The following CHD6 variants were observed in gnomAD, a reference collection of about 807,000 sequenced individuals.
CHD6 encodes chromodomain helicase DNA binding protein 6, also known as ATP-dependent chromatin remodeler CHD6.
Under a neutral mutation model 276.9 loss-of-function variants are expected in CHD6, and 50 were observed. That is an observed-to-expected ratio of 0.18 (90% CI 0.14 to 0.23). CHD6 has a LOEUF of 0.23. Ranked by LOEUF, CHD6 falls within the 10% of genes least tolerant of loss-of-function variation. The pLI, the probability that CHD6 is intolerant of heterozygous loss-of-function variation, is 1.00. For missense variants in CHD6, 2,564 were observed against 3,365.8 expected, an observed-to-expected ratio of 0.76 and a Z score of 5.89; for synonymous variants, 1,173 against 1,229.3, an observed-to-expected ratio of 0.95 and a Z score of 0.96.
intron 23 of CHD6, among the ~76,000 whole-genome samples, chr20:41,450,386 A>G (rs2048199627): frequency 6.6e-6 from 1 of 152,098 alleles, no homozygotes; most frequent in Middle Eastern, 3.2e-3. Flanking sequence ...CAAACTTGCC[A>G]TTGTTTTGTC....
In CHD6 at chr20:41,553,686, G is replaced by C. The variant is rs1432413962; in HGVS notation, c.-23-2326C>G. Among the ~76,000 whole-genome samples, 5 of 152,214 alleles carry C rather than the reference G, an allele frequency of 3.3e-5. No individual in the cohort carries two copies. In the South Asian group the frequency reaches 1.0e-3, roughly 31 times the overall value. Reference sequence around the variant, plus strand: ...TTTGTTCAGGTGTGCTCTCACCATTGTTTCATCTGCGATTGCGTACCCTTT... The same window carrying C: ...TTTGTTCAGGTGTGCTCTCACCATTCTTTCATCTGCGATTGCGTACCCTTT... On this transcript the variant is annotated intron_variant, in intron 1 of 36. Transcript: ENST00000373233.
intron 1 of CHD6, 118 bp downstream of exon 1, chr20:41,618,222 C>A: frequency 6.6e-6 from 1 of 152,004 alleles, no homozygotes; most frequent in South Asian, 2.0e-4. Flanking sequence ...AGCCCCTCAT[C>A]CCGGCTCCAT....
At chr20:41,415,699 C>G (rs2046975496) in intron 33 of CHD6, 61 bp from the exon 34 acceptor site, 1 of 1,288,878 alleles carries the variant, frequency 7.8e-7, no homozygotes, top group African/African-American at 1.5e-5. Context: ...AATGCTAGCT[C>G]TTTCTCCAGG....
intron 2 of CHD6, among the ~76,000 whole-genome samples, chr20:41,536,803 A>C (rs1432204615): frequency 6.6e-6 from 1 of 152,234 alleles, no homozygotes; most frequent in Non-Finnish European, 1.5e-5. Flanking sequence ...GATACCTGAC[A>C]ATCATTGCCT....
chr20:41,405,072 T>G lies in CHD6; in HGVS notation c.7669A>C (p.Thr2557Pro). 6.2e-7 allele frequency: 1 copy of G among 1,614,244 alleles called. No individual in the cohort carries two copies. Among genetic ancestry groups the G allele is most frequent in the Non-Finnish European group, 8.5e-7 (1 of 1,180,044 alleles). ...GTCACTGCCGTACCACTTTTCGTTGTGCTTGATAGAGACGCCGGAGCAGTG... is the reference window on the plus strand; with the variant it reads ...GTCACTGCCGTACCACTTTTCGTTGGGCTTGATAGAGACGCCGGAGCAGTG... Reference protein sequence around the residue: ...TSTAPASLSSTTKSGTAVTEK... With the variant: ...TSTAPASLSSPTKSGTAVTEK... The change falls in exon 37 of 37, where the codon ACA (threonine) becomes CCA (proline). Residue 2557 changes from threonine to proline, a missense_variant. This residue lies in a region of CHD6 where 238 missense variants were observed against 266.0 expected (regional missense o/e 0.89). Coordinates refer to ENST00000373233, the MANE Select transcript of CHD6 (RefSeq NM_032221.5).
At chr20:41,594,290 C>A (rs189416356) in intron 1 of CHD6, among the ~76,000 whole-genome samples, 1 of 152,172 alleles carries the variant, frequency 6.6e-6, no homozygotes, top group Non-Finnish European at 1.5e-5. Context: ...ATGGCTCCAG[C>A]CTAAGATGGA....
At chr20:41,416,849 A>G in intron 32 of CHD6, 55 bp from the exon 33 acceptor site, 4 of 1,399,572 alleles carry the variant, frequency 2.9e-6, no homozygotes, top group Non-Finnish European at 3.8e-6. Context: ...TAAATTCACA[A>G]AATCCTTTGA....
Position 41,421,744 on chromosome 20 carries a change from A to G in CHD6, c.4891T>C (p.Cys1631Arg). 6.2e-7 allele frequency: 1 copy of G among 1,614,220 alleles called. No individual in the cohort carries two copies. The highest frequency in any genetic ancestry group is 8.5e-7 in the Non-Finnish European group (1 of 1,180,050). The stretch of plus-strand genomic sequence containing the variant: ...AACTTGGAGTTGGTCTGGTAAAGGC[A>G]ACAGAGATTTCCTGGTGCCTGGGTG... ...SGTQAPGNLCCLYQTNSKLYE... is the reference protein window; with the variant it reads ...SGTQAPGNLCRLYQTNSKLYE... The change falls in exon 31 of 37, where the codon TGC (cysteine) becomes CGC (arginine). Residue 1631 changes from cysteine (C) to arginine (R), a missense_variant. Cys to Arg is a radical substitution (Grantham distance 180). This residue lies in a region of CHD6 where 1,024 missense variants were observed against 1,047.9 expected (regional missense o/e 0.98). Coordinates refer to ENST00000373233, the MANE Select transcript of CHD6 (RefSeq NM_032221.5).
Position 41,445,768 on chromosome 20 carries a change from C to T in CHD6, c.3774G>A (p.Arg1258=), listed in dbSNP as rs1218824186. The change falls in exon 25 of 37, where the codon AGG becomes AGA. Residue 1258 remains arginine, a splice_region_variant and synonymous_variant. Transcript: ENST00000373233. ...TGTCAGGCAGAGGTACATCCAGCTC[C>T]CTAGGGAAGGAAGGGTGTAGACTCA... The part of the protein sequence containing the change: ...AEKAFEGSPA[R]ELDVPLPDID... The T allele has an allele frequency of 6.2e-7, 1 of 1,603,508 alleles. No individual in the cohort carries two copies. The highest frequency in any genetic ancestry group is 1.7e-5 in the Admixed American group (1 of 59,992).
intron 2 of CHD6, among the ~76,000 whole-genome samples, chr20:41,547,022 T>C (rs138452131): frequency 1.7e-3 from 260 of 152,312 alleles, no homozygotes; most frequent in African/African-American, 6.0e-3. Context: ...TGGTAAGATT[T>C]TGAACAAAGA....
At chr20:41,552,906 G>C (rs984960519) in intron 1 of CHD6, among the ~76,000 whole-genome samples, 3 of 152,190 alleles carry the variant, frequency 2.0e-5, no homozygotes, top group African/African-American at 7.2e-5. Flanking sequence ...GGCAAGTCCA[G>C]TTAGTAAATG....
In CHD6 at chr20:41,420,548, A is replaced by G. The variant is rs750738781; in HGVS notation, c.6087T>C (p.Asn2029=). ...ELKSEDMDFE[N]KDDYDRDGNC... The stretch of plus-strand genomic sequence containing the variant: ...TTCCGTCTCTATCATAATCATCTTT[A>G]TTCTCAAAATCCATGTCTTCTGATT... Residue 2029 remains asparagine, a synonymous_variant, in exon 31 of 37, where the codon AAT becomes AAC. Coordinates refer to ENST00000373233, the MANE Select transcript of CHD6 (RefSeq NM_032221.5). 2 of 1,613,656 alleles carry G rather than the reference A, an allele frequency of 1.2e-6. No homozygotes were observed. Among genetic ancestry groups the G allele is most frequent in the South Asian group, 1.1e-5 (1 of 91,050 alleles).
intron 13 of CHD6, among the ~76,000 whole-genome samples, chr20:41,488,179 T>C (rs1182324963): frequency 1.3e-5 from 2 of 152,216 alleles, no homozygotes; most frequent in Non-Finnish European, 1.5e-5. Context: ...TTCCAAGTCA[T>C]ATATTTCATG....
At chr20:41,413,232 TTCCTGGTTGCCC>T in intron 35 of CHD6, 80 bp downstream of exon 35, 2 of 1,023,440 alleles carry the variant, frequency 2.0e-6, no homozygotes, top group Non-Finnish European at 2.8e-6. Context: ...AGCTCCCAAC[TTCCTGGTTGCCC>T]TCAGCATGCT....
At position 41,618,332 on chromosome 20, in the gene CHD6, G is replaced by A. The variant is rs1369131732; in HGVS notation, c.-24+8C>T. ...GGAGGAAAATAAAAAGTTAAGAGAAGAACTTACCTAAAATGGCTCCTGCAG... is the reference window on the plus strand; with the variant it reads ...GGAGGAAAATAAAAAGTTAAGAGAAAAACTTACCTAAAATGGCTCCTGCAG... On this transcript the variant is annotated splice_region_variant and intron_variant, in intron 1 of 36. Coordinates refer to ENST00000373233, the MANE Select transcript of CHD6 (RefSeq NM_032221.5). 1 of 152,070 alleles carries A rather than the reference G, an allele frequency of 6.6e-6. No homozygotes were observed. The highest frequency in any genetic ancestry group is 1.5e-5 in the Non-Finnish European group (1 of 68,044). 9.4% of individuals were successfully genotyped at this position (152,070 alleles called of 1,614,324 possible).
chr20:41,427,626 AT>A (rs2047406855), intron 27 of CHD6, among the ~76,000 whole-genome samples: 1 of 152,152 alleles, frequency 6.6e-6, no homozygotes, highest in Admixed American at 6.5e-5. Context: ...TTAGATGAAA[AT>A]TTGTCTTGGA....
intron 3 of CHD6, 37 bp from the exon 4 acceptor site, chr20:41,514,989 GT>G (rs747614037): frequency 6.2e-7 from 1 of 1,608,584 alleles, no homozygotes; most frequent in Non-Finnish European, 8.5e-7. Context: ...CTGTTGGGCA[GT>G]TTTTAAAACT....
intron 3 of CHD6, among the ~76,000 whole-genome samples, chr20:41,518,435 G>T (rs1237578810): frequency 6.6e-6 from 1 of 152,118 alleles, no homozygotes; most frequent in East Asian, 1.9e-4. Context: ...TGCATTTTGA[G>T]CAACATGTTA....
intron 26 of CHD6, 141 bp downstream of exon 26, chr20:41,439,859 T>C (rs889369763): frequency 6.9e-5 from 54 of 782,478 alleles, no homozygotes; most frequent in Non-Finnish European, 9.7e-5. Flanking sequence ...GTAGCAATTA[T>C]GGAAAACAGC....
Sources: gnomAD v4.1 joint callset for allele counts (sites outside exome capture counted in the v4.1 genomes callset) on GRCh38, gnomAD v4.1.1 for gene constraint, gnomAD v4.1.1 regional missense constraint, MANE v1.5 for transcripts, NCBI Gene and HGNC (gene_info 2026-07-23, HGNC 2026-07-21) for gene names.